Variants in MLIP observed in about 807,000 individuals in gnomAD.
MLIP encodes muscular LMNA-interacting protein.
In MLIP, 79 loss-of-function variants were observed where a neutral mutation model predicts 84.8. The ratio of observed to expected loss-of-function variants is 0.93; its 90% CI spans 0.78 to 1.12. The LOEUF (loss-of-function observed/expected upper bound fraction) is 1.12. MLIP is among the 50% of genes most tolerant of loss of function. The pLI is 0.00. For missense variants in MLIP, 1,257 were observed against 1,160.6 expected (o/e 1.08, Z -1.21); for synonymous variants, 504 against 463.0 (o/e 1.09, Z -1.14).
intron 9 of MLIP, among the ~76,000 whole-genome samples, chr6:54,185,496 A>T (rs1172029051): frequency 1.3e-5 from 2 of 152,274 alleles, no homozygotes; most frequent in East Asian, 3.9e-4. Context: ...GGATAAAAAG[A>T]TATTTAGATT....
intron 5 of MLIP, among the ~76,000 whole-genome samples, chr6:54,158,914 T>G (rs1298491049): frequency 6.6e-6 from 1 of 152,032 alleles, no homozygotes; most frequent in Non-Finnish European, 1.5e-5. Flanking sequence ...CCCCGCTTTT[T>G]AATTTTTATT....
intron 12 of MLIP, among the ~76,000 whole-genome samples, chr6:54,245,681 A>T (rs1202284356): frequency 2.6e-5 from 4 of 152,114 alleles, no homozygotes; most frequent in African/African-American, 4.8e-5. Context: ...TTTTTAAAAA[A>T]GTTTCTTTAG....
chr6:54,222,931 G>T (rs1218121959), intron 11 of MLIP, among the ~76,000 whole-genome samples: 1 of 151,964 alleles, frequency 6.6e-6, no homozygotes, highest in Non-Finnish European at 1.5e-5. Flanking sequence ...ATAGCTCATG[G>T]TGGTTTTGAT....
chr6:54,160,845 G>T (rs762543706), intron 8 of MLIP, 46 bp downstream of exon 8: 1 of 1,506,526 alleles, frequency 6.6e-7, no homozygotes, highest in Admixed American at 1.8e-5. Context: ...AGATTTATTA[G>T]ATCAATGATT....
At chr6:54,198,261 TG>T (rs1241700441) in intron 10 of MLIP, among the ~76,000 whole-genome samples, 1 of 152,170 alleles carries the variant, frequency 6.6e-6, no homozygotes, top group African/African-American at 2.4e-5. Context: ...ATGCTGATAC[TG>T]GTCTACAGCC....
At chr6:54,030,146 A>C (rs1010681987) in intron 1 of MLIP, among the ~76,000 whole-genome samples, 27 of 152,326 alleles carry the variant, frequency 1.8e-4, no homozygotes, top group African/African-American at 5.8e-4. Flanking sequence ...TCCCACTAGG[A>C]AGTGTGCCTT....
At chr6:54,192,634 A>T (rs1235332850) in intron 10 of MLIP, among the ~76,000 whole-genome samples, 1 of 151,800 alleles carries the variant, frequency 6.6e-6, no homozygotes, top group Non-Finnish European at 1.5e-5. Flanking sequence ...TTATATTTTT[A>T]TATATGTATG....
intron 9 of MLIP, among the ~76,000 whole-genome samples, chr6:54,184,226 G>A (rs1010267074): frequency 2.0e-5 from 3 of 152,054 alleles, no homozygotes; most frequent in Non-Finnish European, 2.9e-5. Flanking sequence ...AGAGTCAACA[G>A]AGAAAAAGGG....
At chr6:54,212,151 C>T (rs531002307) in intron 11 of MLIP, among the ~76,000 whole-genome samples, 1 of 152,246 alleles carries the variant, frequency 6.6e-6, no homozygotes, top group South Asian at 2.1e-4. Flanking sequence ...TTTCTTCTTT[C>T]TTACTTGTTT....
intron 9 of MLIP, among the ~76,000 whole-genome samples, chr6:54,187,795 T>G (rs1256128806): frequency 6.6e-6 from 1 of 152,024 alleles, no homozygotes; most frequent in Non-Finnish European, 1.5e-5. Context: ...TCAAAGTGTA[T>G]ATACCAAGAC....
At chr6:54,173,022 A>G (rs1383086960) in intron 9 of MLIP, among the ~76,000 whole-genome samples, 2 of 151,826 alleles carry the variant, frequency 1.3e-5, no homozygotes, top group Non-Finnish European at 2.9e-5. Context: ...TTTATCATTA[A>G]TATTTCATTT....
intron 1 of MLIP, among the ~76,000 whole-genome samples, chr6:54,074,799 C>T (rs1766696903): frequency 1.3e-5 from 2 of 152,162 alleles, no homozygotes; most frequent in South Asian, 4.2e-4. Flanking sequence ...AAATATGGAG[C>T]CTGCATGTCT....
chr6:54,254,390 G>A (rs1782851100), intron 12 of MLIP, among the ~76,000 whole-genome samples: 1 of 151,978 alleles, frequency 6.6e-6, no homozygotes, highest in Non-Finnish European at 1.5e-5. Flanking sequence ...CTCCCAAAGT[G>A]CTGGGATTAC....
At chr6:54,263,167 G>T (rs1482165939) in intron 13 of MLIP, among the ~76,000 whole-genome samples, 1 of 152,002 alleles carries the variant, frequency 6.6e-6, no homozygotes, top group Non-Finnish European at 1.5e-5. Flanking sequence ...GTTTCCAAGA[G>T]AAACAAACAA....
At chr6:54,258,552 C>T (rs1783172769) in intron 13 of MLIP, among the ~76,000 whole-genome samples, 1 of 151,872 alleles carries the variant, frequency 6.6e-6, no homozygotes, top group African/African-American at 2.4e-5. Context: ...CACATGTAGC[C>T]AAATTGCTGT....
chr6:54,177,385 G>T (rs1013194391), intron 9 of MLIP, among the ~76,000 whole-genome samples: 1 of 151,644 alleles, frequency 6.6e-6, no homozygotes, highest in African/African-American at 2.4e-5. Context: ...GTGGACAAAG[G>T]ACACAAACAG....
At chr6:54,153,368 T>C (rs979780416) in intron 5 of MLIP, among the ~76,000 whole-genome samples, 4 of 152,106 alleles carry the variant, frequency 2.6e-5, no homozygotes, top group Admixed American at 6.6e-5. Flanking sequence ...AGTCTTGCTA[T>C]GTTGCCCAGG....
intron 12 of MLIP, among the ~76,000 whole-genome samples, chr6:54,242,717 A>C (rs1485376784): frequency 6.6e-6 from 1 of 152,180 alleles, no homozygotes; most frequent in Non-Finnish European, 1.5e-5. Flanking sequence ...AAGATGTGAA[A>C]AATCTTTTAT....
intron 1 of MLIP, among the ~76,000 whole-genome samples, chr6:54,114,344 A>G (rs1561942232): frequency 1.3e-5 from 2 of 152,204 alleles, no homozygotes; most frequent in South Asian, 4.1e-4. Flanking sequence ...ACTTGGTTGT[A>G]TATTGGGCAC....
Sources: allele counts gnomAD v4.1 joint callset (sites outside exome capture counted in the v4.1 genomes callset), GRCh38; gene constraint gnomAD v4.1.1; transcripts MANE v1.5; gene names NCBI Gene and HGNC (gene_info 2026-07-23, HGNC 2026-07-21).